Variants in HSH2D observed in about 807,000 individuals in gnomAD.
The protein encoded by HSH2D is hematopoietic SH2 domain containing.
HSH2D carries 16 observed loss-of-function variants against 21.5 expected under a neutral mutation model. The observed-to-expected ratio is 0.74, with a 90% CI of 0.50 to 1.13. The LOEUF (loss-of-function observed/expected upper bound fraction) is 1.13. HSH2D is among the 50% of genes most tolerant of loss of function. The pLI is 0.00. For missense variants in HSH2D, 418 were observed against 441.4 expected (o/e 0.95, Z 0.47); for synonymous variants, 172 against 184.7 (o/e 0.93, Z 0.56).
chr19:16,157,495 C>T lies in HSH2D; in HGVS notation c.760C>T (p.His254Tyr). The T allele has an allele frequency of 6.2e-7, 1 of 1,613,940 alleles. No individual in the cohort carries two copies. The highest frequency in any genetic ancestry group is 8.5e-7 in the Non-Finnish European group (1 of 1,179,872). ...GPGTGKGSQD[H>Y]SGDPTSGDRG... ...TGGGACCGGAAAAGGCAGCCAAGAT[C>T]ACTCAGGGGATCCCACCTCGGGGGA... The change falls in exon 6 of 6, where the codon CAC (histidine) becomes TAC (tyrosine). Residue 254 changes from histidine (H) to tyrosine (Y), a missense_variant. Coordinates refer to ENST00000613986, the MANE Select transcript of HSH2D (RefSeq NM_001382417.1). This position sits in a 1 kb window ranked among gnomAD's most constrained non-coding sequence, Gnocchi z 4.4.
At chr19:16,135,220 C>T (rs995415069) in intron 1 of HSH2D, among the ~76,000 whole-genome samples, 3 of 151,874 alleles carry the variant, frequency 2.0e-5, no homozygotes, top group African/African-American at 4.8e-5. Flanking sequence ...TGCAGTAAGC[C>T]GAGATTGCGC....
Position 16,152,634 on chromosome 19 carries a change from T to C in HSH2D, c.208T>C (p.Ser70Pro). 6.5e-7 allele frequency: 1 copy of C among 1,539,818 alleles called. No homozygotes were observed. Among genetic ancestry groups the C allele is most frequent in the Non-Finnish European group, 8.7e-7 (1 of 1,145,632 alleles). ...VSHSHVGYTL[S>P]YKAQSSCCHF... ...TCACAGCCATGTGGGCTACACACTC[T>C]CCTACAAGTAAGGCCTGGGCCGGGA... Residue 70 changes from serine to proline, a missense_variant, in exon 3 of 6, where the codon TCC becomes CCC. Physicochemically the swap from Ser to Pro is moderately conservative, Grantham distance 74 (BLOSUM62 -1). Transcript: ENST00000613986.
In HSH2D at chr19:16,147,483, CAAAA is replaced by C. The variant is rs1033691785; in HGVS notation, c.-27-1229_-27-1226del. Among the ~76,000 whole-genome samples, 18 of 61,698 alleles carry C rather than the reference CAAAA, an allele frequency of 2.9e-4. 1 individual carries two copies. The East Asian group carries it at 8.4e-3, about 29-fold the overall frequency. The allele number at this position is 61,698 out of a possible 152,430, so 40.5% of individuals were successfully genotyped here. ...TGGGTGACAGAGTGAGACCCTGTCTCAAAAAAAAAAAAAAAGAAAAAAAACACAA... is the reference window on the plus strand; with the variant it reads ...TGGGTGACAGAGTGAGACCCTGTCTCAAAAAAAAAAAGAAAAAAAACACAA... On this transcript the variant is annotated intron_variant, in intron 1 of 5. Coordinates refer to ENST00000613986, the MANE Select transcript of HSH2D (RefSeq NM_001382417.1).
In HSH2D at chr19:16,156,196, A is replaced by T. The variant is rs181462721; in HGVS notation, c.475-1014A>T. 2.6e-3 allele frequency among the ~76,000 whole-genome samples: 394 copies of T among 152,118 alleles called. 3 individuals carry two copies. The highest frequency in any genetic ancestry group is 9.2e-3 in the African/African-American group (383 of 41,528). ...CAGCAAGCCCGTCTCCACAAAAAATAAAAAAATTAGCCAGGCATGGTGGCG... is the reference window on the plus strand; with the variant it reads ...CAGCAAGCCCGTCTCCACAAAAAATTAAAAAATTAGCCAGGCATGGTGGCG... On this transcript the variant is annotated intron_variant, in intron 5 of 5. Coordinates refer to ENST00000613986, the MANE Select transcript of HSH2D (RefSeq NM_001382417.1).
intron 1 of HSH2D, among the ~76,000 whole-genome samples, chr19:16,135,133 A>T (rs529707654): frequency 9.9e-5 from 15 of 152,148 alleles, no homozygotes; most frequent in African/African-American, 3.6e-4. Flanking sequence ...AAAATTAGGC[A>T]TGGTTGCACG....
intron 2 of HSH2D, among the ~76,000 whole-genome samples, chr19:16,152,108 CA>C (rs35744412): frequency 0.62 from 55,844 of 89,720 alleles, 15,378 homozygotes; most frequent in East Asian, 0.86. Flanking sequence ...TCTGTCTCAA[CA>C]AAAAAAAAAA....
intron 1 of HSH2D, among the ~76,000 whole-genome samples, chr19:16,135,214 G>A (rs1255108276): frequency 6.6e-6 from 1 of 152,146 alleles, no homozygotes; most frequent in East Asian, 1.9e-4. Flanking sequence ...AGAGGTTGCA[G>A]TAAGCCGAGA....
chr19:16,149,040 G>A (rs2091111442), intron 2 of HSH2D, among the ~76,000 whole-genome samples, 165 bp downstream of exon 2: 1 of 152,092 alleles, frequency 6.6e-6, no homozygotes, highest in Non-Finnish European at 1.5e-5. Context: ...CCACCTCTTT[G>A]GGCTCACTGT....
intron 1 of HSH2D, among the ~76,000 whole-genome samples, chr19:16,146,593 G>T (rs1048603010): frequency 1.3e-5 from 2 of 152,090 alleles, no homozygotes; most frequent in Admixed American, 1.3e-4. Context: ...TGGGAGGATT[G>T]CTTGAGCCTA....
chr19:16,135,703 C>T (rs1215669817), intron 1 of HSH2D, among the ~76,000 whole-genome samples: 2 of 152,200 alleles, frequency 1.3e-5, no homozygotes, highest in Non-Finnish European at 2.9e-5. Flanking sequence ...CTGTCCATCA[C>T]ATCATGGTTA....
intron 2 of HSH2D, chr19:16,151,602 C>T (rs921883385): frequency 6.6e-6 from 3 of 455,540 alleles, no homozygotes; most frequent in African/African-American, 4.0e-5. Context: ...ACTTGTGACA[C>T]CTTGATCCAC....
At chr19:16,135,975 G>C (rs2090961159) in intron 1 of HSH2D, among the ~76,000 whole-genome samples, 1 of 152,028 alleles carries the variant, frequency 6.6e-6, no homozygotes, top group East Asian at 1.9e-4. Flanking sequence ...CAGCTTCCAG[G>C]GTTGATCCTG....
chr19:16,136,544 C>T (rs1333141104), intron 1 of HSH2D, among the ~76,000 whole-genome samples: 1 of 152,136 alleles, frequency 6.6e-6, no homozygotes, highest in Non-Finnish European at 1.5e-5. Flanking sequence ...ATTATTTTTT[C>T]TAACAAAAAG....
At chr19:16,150,640 C>T (rs1039539576) in intron 2 of HSH2D, among the ~76,000 whole-genome samples, 2 of 150,360 alleles carry the variant, frequency 1.3e-5, no homozygotes, top group African/African-American at 4.9e-5. Context: ...AGGCAGAGAT[C>T]ATGCCACTGC....
intron 1 of HSH2D, among the ~76,000 whole-genome samples, chr19:16,144,854 A>G (rs914972159): frequency 2.1e-5 from 3 of 143,784 alleles, no homozygotes; most frequent in Non-Finnish European, 3.0e-5. Context: ...CACCACACCC[A>G]GCTAATTTTT....
chr19:16,153,113 A>G lies in HSH2D; in HGVS notation c.286A>G (p.Lys96Glu). 6.2e-7 allele frequency: 1 copy of G among 1,607,078 alleles called. No homozygotes were observed. Among genetic ancestry groups the G allele is most frequent in the Non-Finnish European group, 8.5e-7 (1 of 1,177,198 alleles). The change falls in exon 4 of 6, where the codon AAG becomes GAG. Residue 96 changes from lysine to glutamate, a missense_variant. Coordinates refer to ENST00000613986, the MANE Select transcript of HSH2D (RefSeq NM_001382417.1). ...DDGTFMIPGE[K>E]VAHTSLDALV... is the part of the protein sequence containing the mutation. ...TGGGACTTTCATGATCCCCGGGGAG[A>G]AGGTGGCCCACACCTCGCTGGACGC...
At chr19:16,134,976 A>G (rs978830049) in intron 1 of HSH2D, among the ~76,000 whole-genome samples, 2 of 151,584 alleles carry the variant, frequency 1.3e-5, no homozygotes, top group Non-Finnish European at 2.9e-5. Context: ...AAAAAAAAAA[A>G]AGTACAAAAA....
At chr19:16,140,286 G>A (rs2090991281), upstream of HSH2D, among the ~76,000 whole-genome samples, 2 of 152,044 alleles carry the variant, frequency 1.3e-5, no homozygotes, top group South Asian at 4.2e-4. Context: ...CTGGGCAACA[G>A]AACAAGATCC....
At chr19:16,151,162 A>G (rs1318983332) in intron 2 of HSH2D, among the ~76,000 whole-genome samples, 1 of 152,042 alleles carries the variant, frequency 6.6e-6, no homozygotes, top group East Asian at 1.9e-4. Context: ...CGTCTCTACT[A>G]AAAATACAAA....
Sources: allele counts gnomAD v4.1 joint callset (sites outside exome capture counted in the v4.1 genomes callset), GRCh38; gene constraint gnomAD v4.1.1; non-coding constraint Gnocchi (gnomAD v3.1); transcripts MANE v1.5; gene names NCBI Gene and HGNC (gene_info 2026-07-23, HGNC 2026-07-21).